The following ZYG11B variants were observed in gnomAD, a reference collection of about 807,000 sequenced individuals.
ZYG11B encodes protein zyg-11 homolog B.
Under a neutral mutation model 82.4 loss-of-function variants are expected in ZYG11B, and 36 were observed. The ratio of observed to expected loss-of-function variants is 0.44; its 90% confidence interval spans 0.33 to 0.58. The LOEUF is 0.58. Ranked by LOEUF, ZYG11B falls within the 20% of genes least tolerant of loss-of-function variation. The pLI, the probability that ZYG11B is intolerant of heterozygous loss-of-function variation, is 0.02. For synonymous variants in ZYG11B, 303 were observed against 312.8 expected, an observed-to-expected ratio of 0.97 and a Z score of 0.33; for missense variants, 552 against 895.6, an observed-to-expected ratio of 0.62 and a Z score of 4.90.
intron 6 of ZYG11B, among the ~76,000 whole-genome samples, chr1:52,793,487 G>A (rs554067225): frequency 7.2e-5 from 11 of 152,194 alleles, no homozygotes; most frequent in Non-Finnish European, 1.3e-4. Flanking sequence ...GTGAAACTCC[G>A]TCTCAAAAAC....
At chr1:52,726,798 G>C in intron 1 of ZYG11B, 115 bp downstream of exon 1, 2 of 1,046,476 alleles carry the variant, frequency 1.9e-6, no homozygotes, top group South Asian at 4.4e-5. Flanking sequence ...CGGGCTCCCT[G>C]CCTTTACCTC....
chr1:52,770,293 G>A (rs1344085505), intron 2 of ZYG11B, among the ~76,000 whole-genome samples: 1 of 151,792 alleles, frequency 6.6e-6, no homozygotes, highest in Non-Finnish European at 1.5e-5. Flanking sequence ...GTCTTGCTAT[G>A]TTTCCCAGGC....
chr1:52,742,345 G>C (rs1485519766), intron 1 of ZYG11B, among the ~76,000 whole-genome samples: 1 of 151,940 alleles, frequency 6.6e-6, no homozygotes, highest in East Asian at 1.9e-4. Flanking sequence ...CCAGCTATTC[G>C]GATGGCTGAG....
intron 1 of ZYG11B, among the ~76,000 whole-genome samples, chr1:52,739,537 T>A (rs536624962): frequency 6.6e-6 from 1 of 152,324 alleles, no homozygotes; most frequent in South Asian, 2.1e-4. Flanking sequence ...CTCTAACCTC[T>A]CAATGTATTA....
At chr1:52,809,395 A>C (rs1309375174) in intron 10 of ZYG11B, among the ~76,000 whole-genome samples, 2 of 152,032 alleles carry the variant, frequency 1.3e-5, no homozygotes. Context: ...TTAACTCCTT[A>C]ACTACTTCAT....
At chr1:52,816,819 G>A (rs538697855) in intron 13 of ZYG11B, among the ~76,000 whole-genome samples, 190 bp downstream of exon 13, 55 of 112,886 alleles carry the variant, frequency 4.9e-4, no homozygotes, top group African/African-American at 1.8e-3. Context: ...ACGAAGTCTC[G>A]CTCTTGTTCC....
At chr1:52,736,569 C>A (rs1176004141) in intron 1 of ZYG11B, among the ~76,000 whole-genome samples, 1 of 152,160 alleles carries the variant, frequency 6.6e-6, no homozygotes, top group Admixed American at 6.5e-5. Flanking sequence ...TCTCCTGCCT[C>A]AGCCTCCTGA....
rs1380121585 is a variant in ZYG11B at position 52,779,924 on chromosome 1, T to C, written c.1023T>C (p.Val341=). 1 of 1,614,208 alleles carries C rather than the reference T, an allele frequency of 6.2e-7. No homozygotes were observed. The highest frequency in any genetic ancestry group is 8.5e-7 in the Non-Finnish European group (1 of 1,180,044). The change falls in exon 4 of 14, where the codon GTT becomes GTC. Residue 341 remains valine (V), a synonymous_variant. Coordinates refer to ENST00000294353, the MANE Select transcript of ZYG11B (RefSeq NM_024646.3). The part of the protein sequence containing the change: ...LKRYSERAFF[V]REALFHLFSL... ...GTTACAGTGAACGGGCATTCTTTGT[T>C]CGGGAAGCTCTATTTCATCTTTTTA...
intron 2 of ZYG11B, among the ~76,000 whole-genome samples, chr1:52,757,384 C>T (rs184273145): frequency 4.1e-4 from 62 of 152,002 alleles, no homozygotes; most frequent in African/African-American, 1.4e-3. Flanking sequence ...GTATAAAATA[C>T]CTTACATCGG....
intron 1 of ZYG11B, among the ~76,000 whole-genome samples, chr1:52,735,420 A>G (rs1321571067): frequency 6.6e-6 from 1 of 152,248 alleles, no homozygotes; most frequent in African/African-American, 2.4e-5. Context: ...TATTATTCTC[A>G]CACTAAGTAA....
chr1:52,810,503 T>C (rs1645173577), intron 10 of ZYG11B, among the ~76,000 whole-genome samples: 1 of 152,214 alleles, frequency 6.6e-6, no homozygotes, highest in South Asian at 2.1e-4. Flanking sequence ...TCTACTGAGC[T>C]CTGCTTCAGG....
chr1:52,794,783 A>G (rs1440228850), intron 6 of ZYG11B, among the ~76,000 whole-genome samples: 5 of 152,232 alleles, frequency 3.3e-5, no homozygotes, highest in African/African-American at 9.6e-5. Flanking sequence ...TGTATCCCAC[A>G]TTGAGTTCTT....
chr1:52,765,696 T>G (rs1644677246), intron 2 of ZYG11B, among the ~76,000 whole-genome samples: 1 of 151,960 alleles, frequency 6.6e-6, no homozygotes, highest in Non-Finnish European at 1.5e-5. Flanking sequence ...TGGGATGGAG[T>G]CTTGCAATGT....
At chr1:52,748,726 G>A (rs1298758979) in intron 1 of ZYG11B, among the ~76,000 whole-genome samples, 1 of 152,128 alleles carries the variant, frequency 6.6e-6, no homozygotes, top group Non-Finnish European at 1.5e-5. Flanking sequence ...AGCTGGGCGT[G>A]GTGCACGCGC....
intron 1 of ZYG11B, 24 bp downstream of exon 1, chr1:52,726,707 G>T (rs1644287100): frequency 1.4e-6 from 2 of 1,467,578 alleles, no homozygotes; most frequent in Non-Finnish European, 1.8e-6. Context: ...GCCTGCCCTA[G>T]CCGCAGCCGC....
At position 52,779,986 on chromosome 1, in the gene ZYG11B, T is replaced by C; in HGVS notation, c.1085T>C (p.Ile362Thr). The change falls in exon 4 of 14, where the codon ATT (isoleucine) becomes ACT (threonine). Residue 362 changes from isoleucine (I) to threonine (T), a missense_variant. This residue lies in a region of ZYG11B where 359 missense variants were observed against 555.8 expected (regional missense o/e 0.65). Coordinates refer to ENST00000294353, the MANE Select transcript of ZYG11B (RefSeq NM_024646.3). ...THVMEKTKPE[I>T]LKLVVTGMRN... ...GTGATGGAAAAAACAAAGCCAGAAATTTTAAAGGTAAGAATAAGAAACTGG... is the reference window on the plus strand; with the variant it reads ...GTGATGGAAAAAACAAAGCCAGAAACTTTAAAGGTAAGAATAAGAAACTGG... The C allele has an allele frequency of 6.2e-7, 1 of 1,613,316 alleles. No individual in the cohort carries two copies. The highest frequency in any genetic ancestry group is 8.5e-7 in the Non-Finnish European group (1 of 1,179,828).
intron 10 of ZYG11B, among the ~76,000 whole-genome samples, chr1:52,811,759 G>A (rs1035681052): frequency 3.3e-5 from 5 of 151,882 alleles, no homozygotes; most frequent in African/African-American, 4.8e-5. Context: ...GGCCAGGCGC[G>A]GTGGCGCATG....
At chr1:52,784,522 A>G (rs936815469) in intron 4 of ZYG11B, among the ~76,000 whole-genome samples, 1 of 152,200 alleles carries the variant, frequency 6.6e-6, no homozygotes. Context: ...GGAACTGAAG[A>G]TTGAAATTTG....
intron 1 of ZYG11B, among the ~76,000 whole-genome samples, chr1:52,728,603 A>T (rs1284861561): frequency 6.6e-6 from 1 of 152,200 alleles, no homozygotes; most frequent in Non-Finnish European, 1.5e-5. Context: ...GTGAGGTATG[A>T]TGATATACTT....
Sources: gnomAD v4.1 joint callset for allele counts (sites outside exome capture counted in the v4.1 genomes callset) on GRCh38, gnomAD v4.1.1 for gene constraint, gnomAD v4.1.1 regional missense constraint, MANE v1.5 for transcripts, NCBI Gene and HGNC (gene_info 2026-07-23, HGNC 2026-07-21) for gene names.